Variants in SH2D3C observed in about 807,000 individuals in gnomAD.
SH2D3C encodes SH2 domain containing 3C, also known as SH2 domain-containing protein 3C.
A neutral mutation model predicts 75.2 loss-of-function variants in SH2D3C; 25 were observed. That is an observed-to-expected ratio of 0.33 (90% CI 0.24 to 0.46). The LOEUF is 0.46. Among genes scored for constraint, SH2D3C ranks in the 20% least tolerant of loss-of-function variants. The pLI is 1.00. For synonymous variants in SH2D3C, 450 were observed against 473.7 expected (o/e 0.95, Z 0.65); for missense variants, 933 against 1,165.3 (o/e 0.80, Z 2.90).
In SH2D3C at chr9:127,749,732, G is replaced by T. The variant is rs1300291755; in HGVS notation, c.685-67C>A. 8 of 1,036,604 alleles carry T rather than the reference G, an allele frequency of 7.7e-6. No homozygotes were observed. In the South Asian group the frequency reaches 8.5e-5, roughly 11 times the overall value. The allele number at this position is 1,036,604 out of a possible 1,614,324, so 64.2% of individuals were successfully genotyped here. Reference sequence around the variant, plus strand: ...AGAGGGTCAGACCCAGGATCTGGGGGACAGAGCAACCCAGGATTAGGGGGC... The same window carrying T: ...AGAGGGTCAGACCCAGGATCTGGGGTACAGAGCAACCCAGGATTAGGGGGC... On this transcript the variant is annotated intron_variant, in intron 4 of 11. Coordinates refer to ENST00000314830, the MANE Select transcript of SH2D3C (RefSeq NM_170600.3). This position sits in a 1 kb window ranked among gnomAD's most constrained non-coding sequence, Gnocchi z 5.9.
chr9:127,746,547 A>G lies in SH2D3C; in HGVS notation c.1264+600T>C, dbSNP rs137927713. Reference sequence around the variant, plus strand: ...GCCAGGTGCAGTGGCTCATGCCTGTAATCCCAGCACTTTGGGAGGCTGAGG... The same window carrying G: ...GCCAGGTGCAGTGGCTCATGCCTGTGATCCCAGCACTTTGGGAGGCTGAGG... On this transcript the variant is annotated intron_variant, in intron 6 of 11. Transcript: ENST00000314830. Among the ~76,000 whole-genome samples, 1,426 of 152,352 alleles carry G rather than the reference A, an allele frequency of 9.4e-3. 31 individuals carry two copies. Among genetic ancestry groups the G allele is most frequent in the African/African-American group, 0.033 (1,353 of 41,580 alleles).
In SH2D3C at chr9:127,754,800, A is replaced by C. The variant is rs1229605031; in HGVS notation, c.556-3500T>G. ...CCCATCTCCCAGTCCCCCCTGCCCC[A>C]GCTCTCTCCCTCCTGCGGAGGAGGC... On this transcript the variant is annotated intron_variant, in intron 3 of 11. Coordinates refer to ENST00000314830, the MANE Select transcript of SH2D3C (RefSeq NM_170600.3). This position sits in a 1 kb window ranked among gnomAD's most constrained non-coding sequence, Gnocchi z 4.4. The C allele has an allele frequency of 4.2e-6, 2 of 480,836 alleles. No individual in the cohort carries two copies. Among genetic ancestry groups the C allele is most frequent in the Admixed American group, 2.3e-5 (1 of 42,790 alleles). 29.8% of individuals were successfully genotyped at this position (480,836 alleles called of 1,614,324 possible). A position where few individuals can be genotyped will look rare whatever the true frequency, so the allele number is the denominator to read the frequency against.
At chr9:127,769,498 C>A (rs990343387) in intron 2 of SH2D3C, among the ~76,000 whole-genome samples, 39 of 151,256 alleles carry the variant, frequency 2.6e-4, no homozygotes, top group African/African-American at 8.6e-4. Flanking sequence ...CACACACACA[C>A]ACACAAAATT....
chr9:127,758,908 G>C (rs1376239383), intron 3 of SH2D3C, among the ~76,000 whole-genome samples: 1 of 152,212 alleles, frequency 6.6e-6, no homozygotes, highest in Non-Finnish European at 1.5e-5. Context: ...GACTTCCCTC[G>C]CTGCTCCATT....
rs1470374836 is a variant in SH2D3C at position 127,744,705 on chromosome 9, G to A, written c.1659C>T (p.Phe553=). The change falls in exon 7 of 12, where the codon TTC becomes TTT. Residue 553 remains phenylalanine, a synonymous_variant. Coordinates refer to ENST00000314830, the MANE Select transcript of SH2D3C (RefSeq NM_170600.3). ...TVPIVEVTSS[F]NPATFQSLLI... is the part of the protein sequence containing the mutation. The stretch of plus-strand genomic sequence containing the variant: ...GTAGTGACTGGAAGGTGGCCGGGTT[G>A]AAGGAAGAAGTGACTTCCACGATGG... The A allele has an allele frequency of 1.2e-6, 2 of 1,614,242 alleles. No homozygotes were observed.
rs574717597 is a variant in SH2D3C, at chr9:127,761,734, G to A, written c.516-84C>T. The A allele has an allele frequency of 2.0e-5, 24 of 1,192,914 alleles. No individual in the cohort carries two copies. In the Admixed American group the frequency reaches 2.6e-4, roughly 13 times the overall value. The allele number at this position is 1,192,914 out of a possible 1,614,324, so 73.9% of individuals were successfully genotyped here. A position where few individuals can be genotyped will look rare whatever the true frequency, so the allele number is the denominator to read the frequency against. On this transcript the variant is annotated intron_variant, in intron 2 of 11. Transcript: ENST00000314830. ...TCTCTTGCCTGCCTGCCTGGGGCCA[G>A]CACCTGGCCCTTAGGACCCCAGCAG... is the stretch of plus-strand genomic sequence containing the variant.
intron 3 of SH2D3C, chr9:127,755,234 C>G (rs1800888004): frequency 9.6e-7 from 1 of 1,039,190 alleles, no homozygotes. Context: ...AGGGACCAAC[C>G]GGCTAGGCAC....
chr9:127,757,642 GATGATT>G lies in SH2D3C; in HGVS notation c.555+3963_555+3968del, dbSNP rs1425892300. On this transcript the variant is annotated intron_variant, in intron 3 of 11. Coordinates refer to ENST00000314830, the MANE Select transcript of SH2D3C (RefSeq NM_170600.3). ...TGATGATGATGATGATGATGATGAT[GATGATT>G]ATTATTATTATTATTATTATTTTGA... Among the ~76,000 whole-genome samples the G allele has an allele frequency of 1.5e-3, 185 of 123,456 alleles. 2 individuals carry two copies. The highest frequency in any genetic ancestry group is 5.3e-3 in the South Asian group (19 of 3,576). 81.0% of individuals were successfully genotyped at this position (123,456 alleles called of 152,430 possible). A position where few individuals can be genotyped will look rare whatever the true frequency, so the allele number is the denominator to read the frequency against.
intron 2 of SH2D3C, among the ~76,000 whole-genome samples, chr9:127,772,280 C>T (rs1338223293): frequency 7.9e-6 from 1 of 127,006 alleles, no homozygotes; most frequent in Non-Finnish European, 1.6e-5. Flanking sequence ...CTCGCTTTGT[C>T]GCCCAGGCTG....
At chr9:127,765,717 T>C (rs1845620271) in intron 2 of SH2D3C, among the ~76,000 whole-genome samples, 1 of 152,222 alleles carries the variant, frequency 6.6e-6, no homozygotes, top group Non-Finnish European at 1.5e-5. Flanking sequence ...TGGGGATTTC[T>C]AGAAAACTCT....
chr9:127,744,972 G>A lies in SH2D3C; in HGVS notation c.1392C>T (p.Asp464=), dbSNP rs1181079791. Residue 464 remains aspartate, a synonymous_variant, in exon 7 of 12, where the codon GAC becomes GAT. Coordinates refer to ENST00000314830, the MANE Select transcript of SH2D3C (RefSeq NM_170600.3). The part of the protein sequence containing the change: ...GSAPKTHGES[D]KGPHTSPSHT... ...GGGAGGGGCTGGTGTGGGGGCCCTT[G>A]TCTGACTCCCCATGGGTCTTTGGGG... The A allele has an allele frequency of 6.5e-7, 1 of 1,548,824 alleles. No homozygotes were observed. Among genetic ancestry groups the A allele is most frequent in the African/African-American group, 1.4e-5 (1 of 72,934 alleles).
At chr9:127,756,197 G>A (rs1845375023) in intron 3 of SH2D3C, among the ~76,000 whole-genome samples, 1 of 152,222 alleles carries the variant, frequency 6.6e-6, no homozygotes, top group Admixed American at 6.5e-5. Flanking sequence ...AGCTACTCAG[G>A]AGGCTGAGGC....
chr9:127,741,871 T>C lies in SH2D3C; in HGVS notation c.2005A>G (p.Ile669Val). 2 of 1,613,270 alleles carry C rather than the reference T, an allele frequency of 1.2e-6. No homozygotes were observed. The highest frequency in any genetic ancestry group is 1.7e-6 in the Non-Finnish European group (2 of 1,180,008). Reference sequence around the variant, plus strand: ...CCCCGCAGCTCGGCCGCCAGCTGAATGGTCTTGTGCAGCAGCGCTGCCCGC... The same window carrying C: ...CCCCGCAGCTCGGCCGCCAGCTGAACGGTCTTGTGCAGCAGCGCTGCCCGC... ...EERAALLHKT[I>V]QLAAELRGTM... Residue 669 changes from isoleucine to valine, a missense_variant, in exon 9 of 12, where the codon ATT becomes GTT. Transcript: ENST00000314830.
In SH2D3C at chr9:127,744,643, A is replaced by C; in HGVS notation, c.1721T>G (p.Leu574Arg). 6.2e-7 allele frequency: 1 copy of C among 1,614,182 alleles called. No individual in the cohort carries two copies. Among genetic ancestry groups the C allele is most frequent in the Non-Finnish European group, 8.5e-7 (1 of 1,180,014 alleles). ...PRDNRPLEVG[L>R]LRKVKELLAE... ...CAGCAGCTCCTTGACCTTGCGCAGAAGGCCCACCTCCAGTGGCCGGTTATC... is the reference window on the plus strand; with the variant it reads ...CAGCAGCTCCTTGACCTTGCGCAGACGGCCCACCTCCAGTGGCCGGTTATC... The change falls in exon 7 of 12, where the codon CTT becomes CGT. Residue 574 changes from leucine to arginine, a missense_variant. By Grantham distance (102) the Leu-to-Arg change is moderately radical (BLOSUM62 -2). Coordinates refer to ENST00000314830, the MANE Select transcript of SH2D3C (RefSeq NM_170600.3).
chr9:127,740,278 T>A lies in SH2D3C; in HGVS notation c.2180A>T (p.Lys727Met). The A allele has an allele frequency of 1.2e-6, 2 of 1,614,118 alleles. No homozygotes were observed. The highest frequency in any genetic ancestry group is 1.7e-6 in the Non-Finnish European group (2 of 1,179,976). The part of the protein sequence containing the change: ...LYEKKLKPFL[K>M]SLNEGKEGPP... ...AGTACCTTTGCCCTCGTTGAGGCTCTTGAGAAAAGGCTTGAGCTTCTTCTC... is the reference window on the plus strand; with the variant it reads ...AGTACCTTTGCCCTCGTTGAGGCTCATGAGAAAAGGCTTGAGCTTCTTCTC... The change falls in exon 10 of 12, where the codon AAG becomes ATG. Residue 727 changes from lysine to methionine, a missense_variant. Physicochemically the swap from Lys to Met is moderately conservative, Grantham distance 95. Transcript: ENST00000314830.
chr9:127,771,496 GA>G, intron 2 of SH2D3C: 1 of 705,572 alleles, frequency 1.4e-6, no homozygotes, highest in Non-Finnish European at 2.1e-6. Context: ...TCAGTGTCGG[GA>G]AGGCCTCGCC....
At chr9:127,747,328 C>A in intron 5 of SH2D3C, 57 bp from the exon 6 acceptor site, 1 of 1,543,670 alleles carries the variant, frequency 6.5e-7, no homozygotes, top group Non-Finnish European at 8.8e-7. Flanking sequence ...CCTCAGCCTG[C>A]CTCTGGGACC....
Position 127,740,352 on chromosome 9 carries a change from C to T in SH2D3C, c.2106G>A (p.Gln702=), listed in dbSNP as rs148781859. ...LDMAQISRLE[Q]TWVTLRQRHT... ...GTCGCTGCCGCAGGGTCACCCATGT[C>T]TGCTCCAGCCGAGAAATCTGGGGAG... The change falls in exon 10 of 12, where the codon CAG becomes CAA. Residue 702 remains glutamine, a synonymous_variant. Transcript: ENST00000314830. 1.4e-4 allele frequency: 223 copies of T among 1,613,976 alleles called. No homozygotes were observed. The highest frequency in any genetic ancestry group is 1.7e-4 in the Non-Finnish European group (205 of 1,180,010).
intron 6 of SH2D3C, 102 bp downstream of exon 6, chr9:127,747,045 C>T (rs763177252): frequency 2.0e-5 from 24 of 1,202,768 alleles, no homozygotes; most frequent in Non-Finnish European, 2.6e-5. Flanking sequence ...GTAAAGGTCG[C>T]GCCTCATAAA....
Sources: allele counts gnomAD v4.1 joint callset (sites outside exome capture counted in the v4.1 genomes callset), GRCh38; gene constraint gnomAD v4.1.1; non-coding constraint Gnocchi (gnomAD v3.1); transcripts MANE v1.5; gene names NCBI Gene and HGNC (gene_info 2026-07-23, HGNC 2026-07-21).